The following GRM7 variants were observed in gnomAD, a reference collection of about 807,000 sequenced individuals.
GRM7 encodes metabotropic glutamate receptor 7.
GRM7 carries 35 observed loss-of-function variants against 84.5 expected under a neutral mutation model. The observed-to-expected ratio is 0.41, with a 90% CI of 0.32 to 0.55. The LOEUF is 0.55. Ranked by LOEUF, GRM7 falls within the 20% of genes least tolerant of loss-of-function variation. The probability of loss-of-function intolerance (pLI) is 0.19; values close to 1 mark genes in which losing one functional copy is unlikely to be tolerated. For synonymous variants in GRM7, 487 were observed against 455.1 expected (o/e 1.07, Z -0.89); for missense variants, 1,003 against 1,194.6 (o/e 0.84, Z 2.36).
chr3:7,217,489 T>C (rs954977374), intron 2 of GRM7, among the ~76,000 whole-genome samples: 1 of 152,160 alleles, frequency 6.6e-6, no homozygotes, highest in African/African-American at 2.4e-5. Context: ...AAGGCTCTTA[T>C]ACCTTCTATT....
chr3:7,519,170 G>T (rs1451496291), intron 7 of GRM7, among the ~76,000 whole-genome samples: 1 of 152,022 alleles, frequency 6.6e-6, no homozygotes, highest in Non-Finnish European at 1.5e-5. Context: ...CCATTTCTTA[G>T]TAGAACTTAA....
intron 7 of GRM7, among the ~76,000 whole-genome samples, chr3:7,504,888 C>A (rs1699994316): frequency 6.6e-6 from 1 of 152,180 alleles, no homozygotes; most frequent in Admixed American, 6.5e-5. Flanking sequence ...ACAGTCTTAA[C>A]CATTCCAGTA....
At chr3:7,305,207 C>T (rs1700145761) in intron 3 of GRM7, among the ~76,000 whole-genome samples, 1 of 152,144 alleles carries the variant, frequency 6.6e-6, no homozygotes, top group African/African-American at 2.4e-5. Flanking sequence ...CTCCCATCCC[C>T]ATCTGCAGTT....
chr3:7,585,596 G>A (rs1197476965), intron 8 of GRM7, among the ~76,000 whole-genome samples: 4 of 152,156 alleles, frequency 2.6e-5, no homozygotes, highest in African/African-American at 9.7e-5. Context: ...AGAAATTCCT[G>A]CTAAAAGGGA....
At chr3:7,736,356 ACTGCAGCATT>A (rs1261700625) in intron 9 of GRM7, among the ~76,000 whole-genome samples, 2 of 152,208 alleles carry the variant, frequency 1.3e-5, no homozygotes, top group East Asian at 3.8e-4. Context: ...GGTATCATCT[ACTGCAGCATT>A]GCTTATTTCA....
intron 1 of GRM7, among the ~76,000 whole-genome samples, chr3:7,006,023 A>G (rs1695172245): frequency 6.6e-6 from 1 of 152,190 alleles, no homozygotes; most frequent in Non-Finnish European, 1.5e-5. Context: ...GAGGAGAGGT[A>G]TAATGCCTCA....
intron 1 of GRM7, among the ~76,000 whole-genome samples, chr3:7,027,193 C>T (rs544092792): frequency 6.6e-6 from 1 of 152,340 alleles, no homozygotes; most frequent in South Asian, 2.1e-4. Context: ...TGCTTTCAAC[C>T]TCTTTTGTGT....
intron 8 of GRM7, among the ~76,000 whole-genome samples, chr3:7,591,807 A>AT (rs1455954103): frequency 6.6e-6 from 1 of 152,154 alleles, no homozygotes; most frequent in Non-Finnish European, 1.5e-5. Flanking sequence ...TATCATCCCC[A>AT]TTTACAGAGT....
intron 1 of GRM7, among the ~76,000 whole-genome samples, chr3:7,093,160 C>A (rs192362230): frequency 2.0e-5 from 3 of 152,098 alleles, no homozygotes; most frequent in Admixed American, 1.3e-4. Flanking sequence ...AGACCTTTGC[C>A]ATTCACTCTC....
intron 9 of GRM7, among the ~76,000 whole-genome samples, chr3:7,687,234 A>G (rs1332649982): frequency 6.6e-6 from 1 of 152,202 alleles, no homozygotes; most frequent in African/African-American, 2.4e-5. Context: ...AGAGAAAATG[A>G]TGTATTGTGT....
At chr3:7,550,569 CTCTCTCTCTGTGTGTGTGTGTGTG>C (rs1693411981) in intron 7 of GRM7, among the ~76,000 whole-genome samples, 1 of 96,760 alleles carries the variant, frequency 1.0e-5, no homozygotes, top group Non-Finnish European at 2.2e-5. Context: ...CTCTCTCTCT[CTCTCTCTCTGTGTGTGTGTGTGTG>C]TGTGTGTGTG....
At chr3:7,027,470 C>A (rs1312657510) in intron 1 of GRM7, among the ~76,000 whole-genome samples, 2 of 152,108 alleles carry the variant, frequency 1.3e-5, no homozygotes, top group African/African-American at 4.8e-5. Flanking sequence ...TTGATTACAT[C>A]CAACGAGCTT....
At chr3:7,716,190 G>A (rs1193627995) in intron 9 of GRM7, among the ~76,000 whole-genome samples, 1 of 152,030 alleles carries the variant, frequency 6.6e-6, no homozygotes, top group East Asian at 1.9e-4. Context: ...GAGACATATG[G>A]GATGGATGTA....
At chr3:7,339,908 C>G (rs1701572612) in intron 4 of GRM7, among the ~76,000 whole-genome samples, 1 of 151,958 alleles carries the variant, frequency 6.6e-6, no homozygotes, top group Admixed American at 6.6e-5. Context: ...AAGAAAAATA[C>G]AAGTAATCCA....
At chr3:7,436,074 T>G (rs1406251167) in intron 5 of GRM7, among the ~76,000 whole-genome samples, 1 of 151,806 alleles carries the variant, frequency 6.6e-6, no homozygotes, top group Non-Finnish European at 1.5e-5. Flanking sequence ...CTCAAACTCC[T>G]GAGCTCAGGT....
intron 1 of GRM7, among the ~76,000 whole-genome samples, chr3:7,021,260 A>G (rs1214389524): frequency 6.6e-6 from 1 of 152,188 alleles, no homozygotes; most frequent in Non-Finnish European, 1.5e-5. Context: ...CTGTATATGC[A>G]GTAGAACACT....
chr3:7,288,244 A>G (rs1253246864), intron 2 of GRM7, among the ~76,000 whole-genome samples: 1 of 152,132 alleles, frequency 6.6e-6, no homozygotes, highest in Non-Finnish European at 1.5e-5. Flanking sequence ...AATTCACCAC[A>G]TGAAAAGATG....
chr3:7,167,536 GA>G (rs1274382509), intron 2 of GRM7, among the ~76,000 whole-genome samples: 2 of 152,166 alleles, frequency 1.3e-5, no homozygotes, highest in Non-Finnish European at 2.9e-5. Flanking sequence ...AGGCAGACTA[GA>G]ACAAGTAAGC....
At chr3:7,379,236 C>G (rs1694484418) in intron 4 of GRM7, among the ~76,000 whole-genome samples, 1 of 152,084 alleles carries the variant, frequency 6.6e-6, no homozygotes, top group Non-Finnish European at 1.5e-5. Context: ...CCATGCCAAG[C>G]TAATTTTTTT....
Sources: allele counts gnomAD v4.1 joint callset (sites outside exome capture counted in the v4.1 genomes callset), GRCh38; gene constraint gnomAD v4.1.1; transcripts MANE v1.5; gene names NCBI Gene and HGNC (gene_info 2026-07-23, HGNC 2026-07-21).